DNAH2: variants seen among roughly 807,000 people sequenced by gnomAD.
The protein encoded by DNAH2 is dynein axonemal heavy chain 2.
DNAH2 carries 323 observed loss-of-function variants against 523.5 expected under a neutral mutation model. That is an observed-to-expected ratio of 0.62 (90% CI 0.56 to 0.68). The LOEUF (loss-of-function observed/expected upper bound fraction) is 0.68. DNAH2 is among the 30% of genes least tolerant of loss of function. The pLI, the probability that DNAH2 is intolerant of heterozygous loss-of-function variation, is 0.00. For missense variants in DNAH2, 4,907 were observed against 5,701.5 expected (o/e 0.86, Z 4.49); for synonymous variants, 2,093 against 2,177.4 (o/e 0.96, Z 1.08).
chr17:7,808,387 A>T (rs72841413), intron 63 of DNAH2, among the ~76,000 whole-genome samples: 36,080 of 150,654 alleles, frequency 0.24, 5,294 homozygotes, highest in Middle Eastern at 0.37. Context: ...AAAAAAAAAG[A>T]TGCATGCATA....
chr17:7,745,007 T>C (rs1488066962), intron 12 of DNAH2, among the ~76,000 whole-genome samples: 1 of 152,094 alleles, frequency 6.6e-6, no homozygotes, highest in Non-Finnish European at 1.5e-5. Context: ...TTTTTTTTTT[T>C]TTCTTGAGAC....
intron 67 of DNAH2, 32 bp downstream of exon 67, chr17:7,817,888 C>CG (rs1355374673): frequency 1.9e-6 from 3 of 1,613,910 alleles, no homozygotes; most frequent in African/African-American, 2.7e-5. Flanking sequence ...TTAGCCCCCC[C>CG]CTTCCTGAGG....
At chr17:7,804,937 T>G in intron 59 of DNAH2, 21 bp from the exon 60 acceptor site, 3 of 1,606,094 alleles carry the variant, frequency 1.9e-6, no homozygotes, top group Non-Finnish European at 1.7e-6. Context: ...CAAAAAACCC[T>G]TGTCCTTTTT....
In DNAH2 at chr17:7,793,433, T is replaced by TTTTCTTTC. The variant is rs146410752; in HGVS notation, c.7569+236_7569+243dup. On this transcript the variant is annotated intron_variant, in intron 48 of 85. Coordinates refer to ENST00000572933, the MANE Select transcript of DNAH2 (RefSeq NM_020877.5). The stretch of plus-strand genomic sequence containing the variant: ...TGAGCATATTGTTTGCCTGCTTGCT[T>TTTTCTTTC]TTTCTTTCTTTCTTTTTCTTTCTTT... 2.0e-3 allele frequency among the ~76,000 whole-genome samples: 205 copies of TTTTCTTTC among 102,710 alleles called. 3 individuals carry two copies. Among genetic ancestry groups the TTTTCTTTC allele is most frequent in the Non-Finnish European group, 3.8e-3 (169 of 45,046 alleles). The allele number at this position is 102,710 out of a possible 152,430, so 67.4% of individuals were successfully genotyped here. A position where few individuals can be genotyped will look rare whatever the true frequency, so the allele number is the denominator to read the frequency against.
chr17:7,731,306 T>C (rs928371740), intron 4 of DNAH2, among the ~76,000 whole-genome samples: 7 of 151,980 alleles, frequency 4.6e-5, no homozygotes, highest in Non-Finnish European at 7.4e-5. Flanking sequence ...AACTCAAAAT[T>C]GAAAGTTAGT....
In DNAH2 at chr17:7,821,566, A is replaced by G. The variant is rs1477034716; in HGVS notation, c.11142+197A>G. On this transcript the variant is annotated intron_variant, in intron 73 of 85. Coordinates refer to ENST00000572933, the MANE Select transcript of DNAH2 (RefSeq NM_020877.5). The surrounding 1 kb of genome is among the most constrained non-coding windows in gnomAD (Gnocchi z 5.0). ...ACTTGCCATGCACCCCCTTGCACTC[A>G]GCGCAGGCTGGGCTTTGTGGCATGT... is the stretch of plus-strand genomic sequence containing the variant. 6.6e-6 allele frequency among the ~76,000 whole-genome samples: 1 copy of G among 152,130 alleles called. No individual in the cohort carries two copies. Among genetic ancestry groups the G allele is most frequent in the Non-Finnish European group, 1.5e-5 (1 of 68,024 alleles).
At chr17:7,741,295 TTCCTTCCTTCCCTCCCTCCC>T (rs1436773838) in intron 11 of DNAH2, among the ~76,000 whole-genome samples, 7 of 55,462 alleles carry the variant, frequency 1.3e-4, no homozygotes, top group Non-Finnish European at 9.7e-5. Context: ...TCTTTCTTTC[TTCCTTCCTTCCCTCCCTCCC>T]TCCCTCCCTC....
At chr17:7,775,142 G>A (rs1230946732) in intron 29 of DNAH2, 99 bp from the exon 30 acceptor site, 42 of 1,305,092 alleles carry the variant, frequency 3.2e-5, no homozygotes, top group Non-Finnish European at 4.4e-5. Context: ...ATTGAGAGGA[G>A]GGGAGAGGAG....
chr17:7,743,255 A>C (rs1311180231), intron 12 of DNAH2, 113 bp downstream of exon 12: 1 of 1,153,982 alleles, frequency 8.7e-7, no homozygotes, highest in Non-Finnish European at 1.3e-6. Flanking sequence ...TTCTCATACA[A>C]TATGTTTGCT....
Position 7,787,763 on chromosome 17 carries a change from T to C in DNAH2, c.6604-97T>C, listed in dbSNP as rs2076780775. Reference sequence around the variant, plus strand: ...AAAAAAAAAAAAAAAAAGCAAATCGTTTGTGAACTTGTAGCATCCGAGTTC... The same window carrying C: ...AAAAAAAAAAAAAAAAAGCAAATCGCTTGTGAACTTGTAGCATCCGAGTTC... On this transcript the variant is annotated intron_variant, in intron 42 of 85. Transcript: ENST00000572933. The C allele has an allele frequency of 2.2e-6, 3 of 1,381,132 alleles. No individual in the cohort carries two copies. The East Asian group carries it at 7.1e-5, about 33-fold the overall frequency. 85.6% of individuals were successfully genotyped at this position (1,381,132 alleles called of 1,614,324 possible). A position where few individuals can be genotyped will look rare whatever the true frequency, so the allele number is the denominator to read the frequency against.
rs1053830493 is a variant in DNAH2 at position 7,823,331 on chromosome 17, G to A, written c.11143-111G>A. 3.0e-5 allele frequency: 31 copies of A among 1,022,986 alleles called. No individual in the cohort carries two copies. The Admixed American group carries it at 4.4e-4, about 15-fold the overall frequency. 63.4% of individuals were successfully genotyped at this position (1,022,986 alleles called of 1,614,324 possible). A position where few individuals can be genotyped will look rare whatever the true frequency, so the allele number is the denominator to read the frequency against. The stretch of plus-strand genomic sequence containing the variant: ...AAAAATTCCATTTGGTTTTCCCACC[G>A]AGAGAGAGAAAAATACAGAGAGAGA... On this transcript the variant is annotated intron_variant, in intron 73 of 85. Coordinates refer to ENST00000572933, the MANE Select transcript of DNAH2 (RefSeq NM_020877.5).
rs766603089 is a variant in DNAH2, at chr17:7,823,504, G to A, written c.11205G>A (p.Trp3735Ter). 4 of 1,614,076 alleles carry A rather than the reference G, an allele frequency of 2.5e-6. No individual in the cohort carries two copies. The highest frequency in any genetic ancestry group is 1.1e-5 in the South Asian group (1 of 91,070). Residue 3735 changes from tryptophan (W) to a stop codon, truncating the protein, a stop_gained, in exon 74 of 86, where the codon TGG (tryptophan) becomes TGA (stop). Coordinates refer to ENST00000572933, the MANE Select transcript of DNAH2 (RefSeq NM_020877.5). LOFTEE classifies it high-confidence loss of function. ...PCSSWLADAY[W>*]DNITELDKLT... ...GTAGCTGGCTTGCAGATGCCTACTG[G>A]GATAACATCACAGAGCTAGACAAAC...
At chr17:7,758,359 A>T in intron 13 of DNAH2, 136 bp from the exon 14 acceptor site, 1 of 1,145,964 alleles carries the variant, frequency 8.7e-7, no homozygotes, top group Admixed American at 2.4e-5. Flanking sequence ...GTTCTTTTGG[A>T]AGTACTAGTC....
chr17:7,738,910 C>G, intron 8 of DNAH2: 2 of 700,818 alleles, frequency 2.9e-6, no homozygotes, highest in Non-Finnish European at 5.2e-6. Flanking sequence ...ATTCAGTCGG[C>G]CTTTCTCCTG....
Position 7,727,381 on chromosome 17 carries a change from C to T in DNAH2, c.399+89C>T, listed in dbSNP as rs1023545479. On this transcript the variant is annotated intron_variant, in intron 4 of 85. Transcript: ENST00000572933. ...TCATCATCCTTAAGTCTTGTCATCT[C>T]CTGTGCCCACGGCCTATTGAGCCCC... 14 of 1,503,540 alleles carry T rather than the reference C, an allele frequency of 9.3e-6. No homozygotes were observed. The African/African-American group carries it at 1.4e-4, about 16-fold the overall frequency. The allele number at this position is 1,503,540 out of a possible 1,614,324, so 93.1% of individuals were successfully genotyped here.
At chr17:7,739,096 C>T (rs749188278) in intron 8 of DNAH2, 17 of 677,902 alleles carry the variant, frequency 2.5e-5, no homozygotes, top group East Asian at 5.5e-5. Context: ...CCAGGGCAAA[C>T]GGGGCAGAGG....
chr17:7,765,809 C>T (rs1272238972), intron 21 of DNAH2, among the ~76,000 whole-genome samples: 1 of 151,404 alleles, frequency 6.6e-6, no homozygotes, highest in Non-Finnish European at 1.5e-5. Context: ...GATGGAATCT[C>T]GCTCTGTCAC....
intron 12 of DNAH2, among the ~76,000 whole-genome samples, chr17:7,752,065 A>C (rs755042855): frequency 6.7e-6 from 1 of 150,268 alleles, no homozygotes; most frequent in East Asian, 2.0e-4. Context: ...CAGCCCCCCA[A>C]GTAGCTGAAA....
intron 22 of DNAH2, 47 bp from the exon 23 acceptor site, chr17:7,767,853 G>C (rs776490413): frequency 1.9e-6 from 3 of 1,611,584 alleles, no homozygotes; most frequent in Non-Finnish European, 2.5e-6. Context: ...CGTCAGGGAG[G>C]AAGAGGGCAG....
Sources: allele counts gnomAD v4.1 joint callset (sites outside exome capture counted in the v4.1 genomes callset), GRCh38; gene constraint gnomAD v4.1.1; non-coding constraint Gnocchi (gnomAD v3.1); transcripts MANE v1.5; gene names NCBI Gene and HGNC (gene_info 2026-07-23, HGNC 2026-07-21).